The following DNAL1 variants were observed in gnomAD, a reference collection of about 807,000 sequenced individuals.
The protein encoded by DNAL1 is chromosome 14 open reading frame 168.
A neutral mutation model predicts 29.4 loss-of-function variants in DNAL1; 17 were observed. The observed-to-expected ratio is 0.58, with a 90% confidence interval of 0.40 to 0.87. DNAL1 has a LOEUF of 0.87. Ranked by LOEUF, DNAL1 falls within the 40% of genes least tolerant of loss-of-function variation. The probability of loss-of-function intolerance (pLI) is 0.00; values close to 1 mark genes in which losing one functional copy is unlikely to be tolerated. For missense variants in DNAL1, 188 were observed against 214.1 expected (o/e 0.88, Z 0.76); for synonymous variants, 78 against 76.3 (o/e 1.02, Z -0.12).
At position 73,702,626 on chromosome 14, in the gene DNAL1, G is replaced by A. The variant is rs923118659; in HGVS notation, c.*6684G>A. 1 of 152,140 alleles carries A rather than the reference G, an allele frequency of 6.6e-6. No individual in the cohort carries two copies. Among genetic ancestry groups the A allele is most frequent in the Non-Finnish European group, 1.5e-5 (1 of 68,050 alleles). The allele number at this position is 152,140 out of a possible 1,614,324, so 9.4% of individuals were successfully genotyped here. Reference sequence around the variant, plus strand: ...TCCTCACCTGATTACCAGAAGGTACGCAAGGTAAAAGTTAGCTGATAGGCC... The same window carrying A: ...TCCTCACCTGATTACCAGAAGGTACACAAGGTAAAAGTTAGCTGATAGGCC... On this transcript the variant is annotated 3_prime_UTR_variant, in exon 8 of 8. Coordinates refer to ENST00000553645, the MANE Select transcript of DNAL1 (RefSeq NM_031427.4).
At chr14:73,686,281 G>A (rs887119622) in intron 5 of DNAL1, among the ~76,000 whole-genome samples, 3 of 152,164 alleles carry the variant, frequency 2.0e-5, no homozygotes, top group Non-Finnish European at 4.4e-5. Flanking sequence ...TCTCGAAAGA[G>A]TCAGCTTATT....
chr14:73,647,439 C>T (rs78740390), intron 1 of DNAL1, among the ~76,000 whole-genome samples: 1,766 of 150,612 alleles, frequency 0.012, 36 homozygotes, highest in African/African-American at 0.041. Flanking sequence ...TTCACATTTT[C>T]GTATTACTGA....
intron 2 of DNAL1, among the ~76,000 whole-genome samples, chr14:73,657,344 C>G (rs1278189498): frequency 6.6e-6 from 1 of 152,084 alleles, no homozygotes; most frequent in Non-Finnish European, 1.5e-5. Context: ...CCACATCTAG[C>G]TGATTTTTAA....
intron 7 of DNAL1, among the ~76,000 whole-genome samples, chr14:73,691,854 C>A (rs151321175): frequency 2.7e-5 from 4 of 146,892 alleles, no homozygotes; most frequent in African/African-American, 5.1e-5. Context: ...CCACCCCCCC[C>A]CCCCAGCTAA....
rs114348344 is a variant in DNAL1 at position 73,663,816 on chromosome 14, G to A, written c.208+1774G>A. On this transcript the variant is annotated intron_variant, in intron 4 of 7. Transcript: ENST00000553645. ...GAAAGGGAACCCCAAGTGAGTTGCT[G>A]TTTTTACAGCTGAATTCAAAAACTT... Among the ~76,000 whole-genome samples, 589 of 152,298 alleles carry A rather than the reference G, an allele frequency of 3.9e-3. 2 individuals carry two copies. The highest frequency in any genetic ancestry group is 0.014 in the African/African-American group (567 of 41,558).
chr14:73,677,561 TA>T lies in DNAL1; in HGVS notation c.264+5965del, dbSNP rs201935860. Among the ~76,000 whole-genome samples the T allele has an allele frequency of 1.6e-4, 23 of 148,324 alleles. No individual in the cohort carries two copies. The East Asian group carries it at 4.1e-3, about 26-fold the overall frequency. ...ATATAAATATATTTATTTATTTATT[TA>T]TTTATTTTTTTTGAGACGGAGTCTG... On this transcript the variant is annotated intron_variant, in intron 5 of 7. Transcript: ENST00000553645.
intron 7 of DNAL1, among the ~76,000 whole-genome samples, chr14:73,693,439 G>T: frequency 6.6e-6 from 1 of 152,092 alleles, no homozygotes; most frequent in Non-Finnish European, 1.5e-5. Flanking sequence ...ATGAACAATA[G>T]AATACATAGA....
Position 73,687,373 on chromosome 14 carries a change from G to A in DNAL1, c.379G>A (p.Val127Ile). Residue 127 changes from valine (V) to isoleucine (I), a missense_variant, in exon 6 of 8, where the codon GTA becomes ATA. Transcript: ENST00000553645. ...LKILYMSNNL[V>I]KDWAEFVKLA... ...GATTCTCTACATGTCTAATAACCTG[G>A]TAAAAGACTGGGGTAAGCTGAGAGT... The A allele has an allele frequency of 6.2e-7, 1 of 1,601,254 alleles. No homozygotes were observed. The highest frequency in any genetic ancestry group is 8.5e-7 in the Non-Finnish European group (1 of 1,173,896).
chr14:73,667,254 G>C (rs1284383904), intron 4 of DNAL1, among the ~76,000 whole-genome samples: 1 of 151,672 alleles, frequency 6.6e-6, no homozygotes, highest in Non-Finnish European at 1.5e-5. Flanking sequence ...TTGAGGCTAG[G>C]ACTTCAAGAC....
intron 7 of DNAL1, among the ~76,000 whole-genome samples, chr14:73,690,367 G>T (rs12434616): frequency 0.23 from 35,482 of 151,832 alleles, 5,163 homozygotes; most frequent in Non-Finnish European, 0.33. Flanking sequence ...GAGAGAAGGA[G>T]CCTGGCCAGG....
intron 1 of DNAL1, among the ~76,000 whole-genome samples, chr14:73,649,352 G>C (rs776468104): frequency 6.6e-6 from 1 of 150,682 alleles, no homozygotes; most frequent in African/African-American, 2.4e-5. Context: ...GCGCGATCTC[G>C]GCTCACGGCA....
Position 73,702,104 on chromosome 14 carries a change from T to TGTGTGTGTGCAC in DNAL1, c.*6163_*6164insTGTGTGTGCACG, listed in dbSNP as rs1555340583. The stretch of plus-strand genomic sequence containing the variant: ...GTGTGTGTGTGTGTGTGTGTGTGTG[T>TGTGTGTGTGCAC]GCACGTGCATGAGAGAGAGTGAAAG... On this transcript the variant is annotated 3_prime_UTR_variant, in exon 8 of 8. Coordinates refer to ENST00000553645, the MANE Select transcript of DNAL1 (RefSeq NM_031427.4). The TGTGTGTGTGCAC allele has an allele frequency of 9.5e-5, 14 of 147,750 alleles. No homozygotes were observed. Among genetic ancestry groups the TGTGTGTGTGCAC allele is most frequent in the African/African-American group, 3.2e-4 (13 of 40,798 alleles). The allele number at this position is 147,750 out of a possible 1,614,324, so 9.2% of individuals were successfully genotyped here.
rs1208595780 is a variant in DNAL1, at chr14:73,689,415, C to G, written c.432C>G (p.Asp144Glu). The G allele has an allele frequency of 6.4e-7, 1 of 1,555,146 alleles. No individual in the cohort carries two copies. The highest frequency in any genetic ancestry group is 8.7e-7 in the Non-Finnish European group (1 of 1,148,862). Residue 144 changes from aspartate to glutamate, a missense_variant, in exon 7 of 8, where the codon GAC becomes GAG. By Grantham distance (45) the Asp-to-Glu change is conservative. Transcript: ENST00000553645. ...VKLAELPCLEDLVFVGNPLEE... is the reference protein window; with the variant it reads ...VKLAELPCLEELVFVGNPLEE... ...TGGCAGAACTGCCATGCCTCGAAGA[C>G]CTGGTGTTTGTAGGCAATCCCTTGG...
intron 2 of DNAL1, among the ~76,000 whole-genome samples, chr14:73,656,650 T>C (rs1891222844): frequency 6.6e-6 from 1 of 152,088 alleles, no homozygotes; most frequent in Admixed American, 6.6e-5. Flanking sequence ...GGTCTTGAAC[T>C]CCTGAGCTCA....
chr14:73,675,185 TTC>T (rs150007114), intron 5 of DNAL1, among the ~76,000 whole-genome samples: 34,433 of 149,860 alleles, frequency 0.23, 4,979 homozygotes, highest in Non-Finnish European at 0.33. Flanking sequence ...CTTGTTCTTG[TTC>T]TCTCTCTCTC....
At chr14:73,649,664 C>A (rs1169235178) in intron 1 of DNAL1, among the ~76,000 whole-genome samples, 2 of 152,180 alleles carry the variant, frequency 1.3e-5, no homozygotes, top group African/African-American at 2.4e-5. Context: ...AAACTAACAT[C>A]CTCCACACAC....
intron 5 of DNAL1, among the ~76,000 whole-genome samples, chr14:73,672,638 G>T (rs1891643140): frequency 6.6e-6 from 1 of 150,732 alleles, no homozygotes; most frequent in Non-Finnish European, 1.5e-5. Flanking sequence ...AAATTCTTAA[G>T]GGTCAGATTC....
rs1341567878 is a variant in DNAL1, at chr14:73,700,101, C to G, written c.*4159C>G. 1 of 152,248 alleles carries G rather than the reference C, an allele frequency of 6.6e-6. No individual in the cohort carries two copies. Among genetic ancestry groups the G allele is most frequent in the African/African-American group, 2.4e-5 (1 of 41,450 alleles). The allele number at this position is 152,248 out of a possible 1,614,324, so 9.4% of individuals were successfully genotyped here. Reference sequence around the variant, plus strand: ...GCACTGTGGCTCATGCCTGTAATCCCAGCACTTTGGGAGGCCGTGGTGGGC... The same window carrying G: ...GCACTGTGGCTCATGCCTGTAATCCGAGCACTTTGGGAGGCCGTGGTGGGC... On this transcript the variant is annotated 3_prime_UTR_variant, in exon 8 of 8. Transcript: ENST00000553645.
chr14:73,673,448 G>C (rs907087146), intron 5 of DNAL1, among the ~76,000 whole-genome samples: 1 of 152,118 alleles, frequency 6.6e-6, no homozygotes, highest in African/African-American at 2.4e-5. Context: ...GGTATGTATT[G>C]TGTATTAAGA....
Sources: allele counts gnomAD v4.1 joint callset (sites outside exome capture counted in the v4.1 genomes callset), GRCh38; gene constraint gnomAD v4.1.1; transcripts MANE v1.5; gene names NCBI Gene and HGNC (gene_info 2026-07-23, HGNC 2026-07-21).